The following NEDD4L variants were observed in gnomAD, a reference collection of about 807,000 sequenced individuals.
The protein encoded by NEDD4L is NEDD4 like E3 ubiquitin protein ligase, also known as E3 ubiquitin-protein ligase NEDD4-like.
Under a neutral mutation model 148.9 loss-of-function variants are expected in NEDD4L, and 54 were observed. The observed-to-expected ratio is 0.36, with a 90% CI of 0.29 to 0.45. NEDD4L has a LOEUF of 0.45. Ranked by LOEUF, NEDD4L falls within the 20% of genes least tolerant of loss-of-function variation. NEDD4L has a pLI of 1.00. For synonymous variants in NEDD4L, 433 were observed against 440.7 expected (o/e 0.98, Z 0.22); for missense variants, 856 against 1,233.8 (o/e 0.69, Z 4.59).
At chr18:58,333,535 T>G (rs566847384) in intron 11 of NEDD4L, among the ~76,000 whole-genome samples, 1 of 152,334 alleles carries the variant, frequency 6.6e-6, no homozygotes, top group South Asian at 2.1e-4. Context: ...CATTAGAGTG[T>G]TGCAGAGTCC....
intron 18 of NEDD4L, among the ~76,000 whole-genome samples, chr18:58,356,023 A>G (rs1042271404): frequency 3.3e-5 from 5 of 152,108 alleles, no homozygotes; most frequent in Non-Finnish European, 4.4e-5. Flanking sequence ...TGGCACAGTC[A>G]TAGCTCACTG....
At chr18:58,317,852 G>C (rs898150258) in intron 6 of NEDD4L, among the ~76,000 whole-genome samples, 2 of 152,154 alleles carry the variant, frequency 1.3e-5, no homozygotes, top group African/African-American at 4.8e-5. Flanking sequence ...AACTTGCAGT[G>C]GCGTGCTTCA....
At chr18:58,274,695 A>G (rs2051606507) in intron 5 of NEDD4L, among the ~76,000 whole-genome samples, 1 of 152,230 alleles carries the variant, frequency 6.6e-6, no homozygotes, top group Non-Finnish European at 1.5e-5. Context: ...TTTGAATCTG[A>G]TTTAATAGGC....
At chr18:58,206,967 A>T (rs905001272) in intron 2 of NEDD4L, among the ~76,000 whole-genome samples, 7 of 152,222 alleles carry the variant, frequency 4.6e-5, no homozygotes, top group Non-Finnish European at 1.0e-4. Context: ...CCTGTGCACA[A>T]GGAAAAGACC....
At chr18:58,132,521 C>T (rs997240635) in intron 1 of NEDD4L, among the ~76,000 whole-genome samples, 2 of 152,196 alleles carry the variant, frequency 1.3e-5, no homozygotes, top group African/African-American at 4.8e-5. Flanking sequence ...GGTAGTGGTA[C>T]AGTTCCTTGT....
chr18:58,383,314 T>C lies in NEDD4L; in HGVS notation c.2421T>C (p.Tyr807=), dbSNP rs2048582275. The change falls in exon 25 of 31, where the codon TAT becomes TAC. Residue 807 remains tyrosine (Y), a synonymous_variant. Coordinates refer to ENST00000400345, the MANE Select transcript of NEDD4L (RefSeq NM_001144967.3). Reference sequence around the variant, plus strand: ...TCACAAATGAAAACAAAAGGGAATATATCGAGTATGTATACACATATTTAC... The same window carrying C: ...TCACAAATGAAAACAAAAGGGAATACATCGAGTATGTATACACATATTTAC... The part of the protein sequence containing the change: ...IMVTNENKRE[Y]IDLVIQWRFV... 2 of 1,515,488 alleles carry C rather than the reference T, an allele frequency of 1.3e-6. No homozygotes were observed. Among genetic ancestry groups the C allele is most frequent in the Non-Finnish European group, 1.8e-6 (2 of 1,113,768 alleles). The allele number at this position is 1,515,488 out of a possible 1,614,324, so 93.9% of individuals were successfully genotyped here.
chr18:58,147,499 T>C (rs1642557578), intron 1 of NEDD4L, among the ~76,000 whole-genome samples: 1 of 152,216 alleles, frequency 6.6e-6, no homozygotes, highest in South Asian at 2.1e-4. Context: ...CTGCCTGAGC[T>C]TGGAGAAGAT....
intron 8 of NEDD4L, among the ~76,000 whole-genome samples, chr18:58,323,873 C>T (rs2059073553): frequency 6.6e-6 from 1 of 152,182 alleles, no homozygotes; most frequent in Non-Finnish European, 1.5e-5. Context: ...CAGACTGATG[C>T]TGTGGGTCCT....
At chr18:58,274,294 T>C (rs1482546764) in intron 5 of NEDD4L, among the ~76,000 whole-genome samples, 1 of 152,206 alleles carries the variant, frequency 6.6e-6, no homozygotes, top group Non-Finnish European at 1.5e-5. Flanking sequence ...TCTGAAGTTG[T>C]AGACTAGTTT....
At chr18:58,362,875 T>C (rs1568851038) in intron 19 of NEDD4L, among the ~76,000 whole-genome samples, 1 of 152,224 alleles carries the variant, frequency 6.6e-6, no homozygotes, top group Non-Finnish European at 1.5e-5. Context: ...TTGTATTCTT[T>C]TTCTTATTTT....
At position 58,057,238 on chromosome 18, in the gene NEDD4L, C is replaced by T. The variant is rs549321933; in HGVS notation, c.48+12530C>T. On this transcript the variant is annotated intron_variant, in intron 1 of 30. Coordinates refer to ENST00000400345, the MANE Select transcript of NEDD4L (RefSeq NM_001144967.3). ...TTGCAAGGATTTCTGGGTAATATTA[C>T]ACCTGAAAGGAGGTTTTTTTTTTTT... Among the ~76,000 whole-genome samples, 10 of 123,916 alleles carry T rather than the reference C, an allele frequency of 8.1e-5. No homozygotes were observed. In the South Asian group the frequency reaches 1.0e-3, roughly 13 times the overall value. 81.3% of individuals were successfully genotyped at this position (123,916 alleles called of 152,430 possible).
At chr18:58,253,109 C>T (rs1329967531) in intron 5 of NEDD4L, among the ~76,000 whole-genome samples, 1 of 152,154 alleles carries the variant, frequency 6.6e-6, no homozygotes, top group Non-Finnish European at 1.5e-5. Context: ...CTTAAGAATC[C>T]TTTCTGCAGT....
chr18:58,335,726 T>A (rs935374571), intron 13 of NEDD4L, 189 bp downstream of exon 13: 9 of 506,040 alleles, frequency 1.8e-5, no homozygotes, highest in African/African-American at 1.5e-4. Context: ...AATAGAATGA[T>A]TTTTTTAGTC....
chr18:58,275,091 T>C (rs2051674847), intron 5 of NEDD4L, among the ~76,000 whole-genome samples: 1 of 152,260 alleles, frequency 6.6e-6, no homozygotes, highest in Admixed American at 6.5e-5. Context: ...ACAATTTAAC[T>C]AGTAATAGCC....
chr18:58,351,161 G>A, intron 18 of NEDD4L, 116 bp downstream of exon 18: 2 of 1,522,194 alleles, frequency 1.3e-6, no homozygotes, highest in South Asian at 2.5e-5. Context: ...CAGGTGTTAT[G>A]TGGAGAAAAT....
chr18:58,382,955 T>TA (rs1286932477), intron 24 of NEDD4L, among the ~76,000 whole-genome samples: 1 of 152,252 alleles, frequency 6.6e-6, no homozygotes, highest in Non-Finnish European at 1.5e-5. Flanking sequence ...AGTTTCCTGA[T>TA]AAATGAATAG....
At chr18:58,146,678 A>G (rs114028534) in intron 1 of NEDD4L, among the ~76,000 whole-genome samples, 1,851 of 152,238 alleles carry the variant, frequency 0.012, 30 homozygotes, top group African/African-American at 0.04. Context: ...TTTGGAGAAG[A>G]ATGAAGACTT....
intron 5 of NEDD4L, among the ~76,000 whole-genome samples, chr18:58,286,620 A>G (rs942427130): frequency 1.5e-4 from 23 of 152,306 alleles, no homozygotes; most frequent in African/African-American, 5.5e-4. Context: ...CAGAATGTGT[A>G]AGAGTAAGTC....
intron 5 of NEDD4L, among the ~76,000 whole-genome samples, chr18:58,315,020 G>A (rs890917165): frequency 6.6e-6 from 1 of 152,172 alleles, no homozygotes; most frequent in Non-Finnish European, 1.5e-5. Flanking sequence ...TCAGCACCAG[G>A]TAGGCTGGAT....
Sources: gnomAD v4.1 joint callset for allele counts (sites outside exome capture counted in the v4.1 genomes callset) on GRCh38, gnomAD v4.1.1 for gene constraint, MANE v1.5 for transcripts, NCBI Gene and HGNC (gene_info 2026-07-23, HGNC 2026-07-21) for gene names.